TMEM116: variants seen among roughly 807,000 people sequenced by gnomAD.
TMEM116 encodes the protein transmembrane protein 116.
TMEM116 carries 38 observed loss-of-function variants against 44.3 expected under a neutral mutation model. That is an observed-to-expected ratio of 0.86 (90% CI 0.66 to 1.12). TMEM116 has a LOEUF of 1.12. Ranked by LOEUF, TMEM116 falls within the 50% of genes most tolerant of loss-of-function variation. TMEM116 has a pLI of 0.00. For synonymous variants in TMEM116, 132 were observed against 144.8 expected, an observed-to-expected ratio of 0.91 and a Z score of 0.64; for missense variants, 354 against 401.7, an observed-to-expected ratio of 0.88 and a Z score of 1.01.
At chr12:111,932,683 C>A (rs371029634) in intron 9 of TMEM116, 24 bp from the exon 10 acceptor site, 2 of 1,602,140 alleles carry the variant, frequency 1.2e-6, no homozygotes, top group African/African-American at 2.7e-5. Flanking sequence ...AAGTGTAAAC[C>A]TTCTTGTCAG....
At chr12:111,944,784 C>T (rs946748931) in intron 4 of TMEM116, among the ~76,000 whole-genome samples, 1 of 152,014 alleles carries the variant, frequency 6.6e-6, no homozygotes, top group African/African-American at 2.4e-5. Flanking sequence ...TCACACAGGG[C>T]CAGGAATAGT....
chr12:111,936,851 C>G, intron 7 of TMEM116, 21 bp from the exon 8 acceptor site: 1 of 1,575,168 alleles, frequency 6.3e-7, no homozygotes, highest in Non-Finnish European at 8.6e-7. Context: ...AATCAATAAA[C>G]AGGAGTACTA....
intron 3 of TMEM116, chr12:111,993,629 A>G: frequency 1.8e-6 from 1 of 561,884 alleles, no homozygotes; most frequent in Non-Finnish European, 3.5e-6. Context: ...ACATTCTACA[A>G]AGGGGTTGCT....
rs1470464815 is a variant in TMEM116 at position 111,933,869 on chromosome 12, T to G, written c.733+17A>C. The G allele has an allele frequency of 6.2e-7, 1 of 1,613,268 alleles. No homozygotes were observed. Among genetic ancestry groups the G allele is most frequent in the African/African-American group, 1.3e-5 (1 of 74,786 alleles). On this transcript the variant is annotated intron_variant, in intron 9 of 10. Coordinates refer to ENST00000552374, the MANE Select transcript of TMEM116 (RefSeq NM_001193531.2). Reference sequence around the variant, plus strand: ...ACTGCCCTCTTCACTGCCCATCTCTTCTTGTTAAGTACCTACCTGGGCCCC... The same window carrying G: ...ACTGCCCTCTTCACTGCCCATCTCTGCTTGTTAAGTACCTACCTGGGCCCC...
intron 4 of TMEM116, among the ~76,000 whole-genome samples, chr12:111,950,154 C>CA (rs1370327349): frequency 1.3e-5 from 2 of 151,184 alleles, no homozygotes; most frequent in Non-Finnish European, 3.0e-5. Context: ...AAAAAACAAC[C>CA]AAAAAAACCT....
chr12:111,960,999 C>G (rs544336975), intron 4 of TMEM116, among the ~76,000 whole-genome samples: 2 of 152,162 alleles, frequency 1.3e-5, no homozygotes, highest in Non-Finnish European at 2.9e-5. Flanking sequence ...GATGTCACCA[C>G]TGATCCCACA....
intron 4 of TMEM116, among the ~76,000 whole-genome samples, chr12:111,975,879 AG>A (rs1342999870): frequency 1.3e-5 from 2 of 152,214 alleles, no homozygotes; most frequent in Non-Finnish European, 2.9e-5. Flanking sequence ...TTTAATTATA[AG>A]ATTATAGAAT....
At position 112,005,133 on chromosome 12, in the gene TMEM116, A is replaced by G. The variant is rs1433112453; in HGVS notation, c.14+124T>C. On this transcript the variant is annotated intron_variant, in intron 2 of 10. Transcript: ENST00000552374. Reference sequence around the variant, plus strand: ...ATTAGTAAGAAAATATCAAGATGATAAAGAATATCATTTCTCTTTAACTAA... The same window carrying G: ...ATTAGTAAGAAAATATCAAGATGATGAAGAATATCATTTCTCTTTAACTAA... 1.4e-5 allele frequency: 8 copies of G among 585,860 alleles called. No homozygotes were observed. In the Admixed American group the frequency reaches 3.2e-4, roughly 24 times the overall value. The allele number at this position is 585,860 out of a possible 1,614,324, so 36.3% of individuals were successfully genotyped here.
chr12:111,996,868 A>G (rs1437439233), intron 3 of TMEM116, among the ~76,000 whole-genome samples: 1 of 152,260 alleles, frequency 6.6e-6, no homozygotes, highest in African/African-American at 2.4e-5. Flanking sequence ...CTCATGCTCT[A>G]TACAACGTGG....
intron 4 of TMEM116, among the ~76,000 whole-genome samples, chr12:111,964,169 G>A (rs930755381): frequency 1.3e-5 from 2 of 150,956 alleles, no homozygotes; most frequent in Admixed American, 1.3e-4. Context: ...GGCTGGGTGC[G>A]GTGGCTCATG....
chr12:112,008,343 T>A (rs1252990127), intron 1 of TMEM116, among the ~76,000 whole-genome samples: 2 of 151,976 alleles, frequency 1.3e-5, no homozygotes, highest in Non-Finnish European at 2.9e-5. Flanking sequence ...TAGCTGGGTA[T>A]GGTGGCGGGC....
chr12:111,939,657 TAA>T (rs921201436), intron 5 of TMEM116, among the ~76,000 whole-genome samples: 25 of 126,042 alleles, frequency 2.0e-4, no homozygotes, highest in Admixed American at 3.3e-4. Flanking sequence ...AAACTACAAT[TAA>T]AAAAAAAAAA....
At chr12:111,962,280 A>G (rs1234299481) in intron 4 of TMEM116, among the ~76,000 whole-genome samples, 1 of 149,776 alleles carries the variant, frequency 6.7e-6, no homozygotes, top group African/African-American at 2.6e-5. Flanking sequence ...CCATCAAGCT[A>G]CCACTGACTT....
intron 1 of TMEM116, chr12:112,011,430 C>CT (rs1478947447): frequency 6.6e-6 from 1 of 152,230 alleles, no homozygotes; most frequent in Non-Finnish European, 1.5e-5. Flanking sequence ...TCACTGTTGA[C>CT]TATTTATACA....
At chr12:112,004,032 G>A (rs1312436586) in intron 2 of TMEM116, among the ~76,000 whole-genome samples, 169 bp from the exon 3 acceptor site, 1 of 152,154 alleles carries the variant, frequency 6.6e-6, no homozygotes, top group African/African-American at 2.4e-5. Flanking sequence ...CCAGGCTGGA[G>A]TGCAGTGGTG....
chr12:111,956,566 C>T (rs537059829), intron 4 of TMEM116, among the ~76,000 whole-genome samples: 1 of 152,198 alleles, frequency 6.6e-6, no homozygotes, highest in Admixed American at 6.5e-5. Flanking sequence ...AATGCCGAGC[C>T]GAGGCTGGAC....
At chr12:111,955,331 G>C (rs1049385312) in intron 4 of TMEM116, among the ~76,000 whole-genome samples, 1 of 152,150 alleles carries the variant, frequency 6.6e-6, no homozygotes, top group Non-Finnish European at 1.5e-5. Context: ...CAGGGTCTGC[G>C]GGTTGGACCT....
At chr12:111,996,875 G>A (rs1225039267) in intron 3 of TMEM116, among the ~76,000 whole-genome samples, 4 of 152,142 alleles carry the variant, frequency 2.6e-5, no homozygotes, top group South Asian at 2.1e-4. Flanking sequence ...TCTATACAAC[G>A]TGGATACATC....
chr12:112,008,480 A>C (rs74646760), intron 1 of TMEM116, among the ~76,000 whole-genome samples: 2 of 142,432 alleles, frequency 1.4e-5, no homozygotes, highest in East Asian at 4.0e-4. Flanking sequence ...ACTCCACCTC[A>C]AAAAAAAAAA....
Sources: gnomAD v4.1 joint callset for allele counts (sites outside exome capture counted in the v4.1 genomes callset) on GRCh38, gnomAD v4.1.1 for gene constraint, MANE v1.5 for transcripts, NCBI Gene and HGNC (gene_info 2026-07-23, HGNC 2026-07-21) for gene names.